The following CRACR2A variants were observed in gnomAD, a reference collection of about 807,000 sequenced individuals.
CRACR2A encodes calcium release activated channel regulator 2A.
Under a neutral mutation model 90.5 loss-of-function variants are expected in CRACR2A, and 79 were observed. The ratio of observed to expected loss-of-function variants is 0.87; its 90% confidence interval spans 0.73 to 1.05. The LOEUF (loss-of-function observed/expected upper bound fraction) is 1.05. Among genes scored for constraint, CRACR2A ranks in the 50% least tolerant of loss-of-function variants. The pLI, the probability that CRACR2A is intolerant of heterozygous loss-of-function variation, is 0.00. For synonymous variants in CRACR2A, 338 were observed against 356.7 expected (o/e 0.95, Z 0.59); for missense variants, 823 against 897.2 (o/e 0.92, Z 1.06).
At chr12:3,688,610 A>G (rs953142755) in intron 4 of CRACR2A, among the ~76,000 whole-genome samples, 1 of 152,148 alleles carries the variant, frequency 6.6e-6, no homozygotes, top group Non-Finnish European at 1.5e-5. Context: ...TATAGTTTGA[A>G]GTTGGGTAAT....
intron 10 of CRACR2A, among the ~76,000 whole-genome samples, chr12:3,649,198 T>A (rs2137430682): frequency 6.6e-6 from 1 of 152,004 alleles, no homozygotes; most frequent in East Asian, 1.9e-4. Context: ...ACCTGCACGT[T>A]GTGCACATGT....
intron 13 of CRACR2A, 68 bp downstream of exon 13, chr12:3,641,664 A>C: frequency 4.6e-5 from 62 of 1,341,670 alleles, no homozygotes; most frequent in Non-Finnish European, 6.0e-5. Context: ...GGCACTGAGT[A>C]TGGGCCCAGA....
chr12:3,631,331 C>A (rs138600188), intron 15 of CRACR2A, among the ~76,000 whole-genome samples: 3 of 152,108 alleles, frequency 2.0e-5, no homozygotes, highest in African/African-American at 7.2e-5. Context: ...GGCCACAAGT[C>A]GAAAATGTAA....
intron 1 of CRACR2A, among the ~76,000 whole-genome samples, chr12:3,738,928 C>T (rs1946485524): frequency 6.6e-6 from 1 of 152,022 alleles, no homozygotes; most frequent in African/African-American, 2.4e-5. Context: ...AGACAGAAGG[C>T]AGTGGTAAAA....
At chr12:3,630,746 C>T (rs554692548) in intron 15 of CRACR2A, among the ~76,000 whole-genome samples, 1 of 152,362 alleles carries the variant, frequency 6.6e-6, no homozygotes, top group Admixed American at 6.5e-5. Flanking sequence ...CCAGGATGCC[C>T]GCAGGGCTCA....
At chr12:3,721,906 G>A (rs1318880693) in intron 2 of CRACR2A, among the ~76,000 whole-genome samples, 1 of 152,184 alleles carries the variant, frequency 6.6e-6, no homozygotes. Context: ...AAAAATGTGA[G>A]TAGGGAACAG....
At chr12:3,628,420 G>T (rs898345412) in intron 15 of CRACR2A, among the ~76,000 whole-genome samples, 3 of 152,046 alleles carry the variant, frequency 2.0e-5, no homozygotes, top group Non-Finnish European at 4.4e-5. Flanking sequence ...GAACAGAAGG[G>T]GTAAGAGAAA....
intron 7 of CRACR2A, among the ~76,000 whole-genome samples, chr12:3,672,538 T>G (rs1208185618): frequency 6.6e-6 from 1 of 152,212 alleles, no homozygotes; most frequent in African/African-American, 2.4e-5. Context: ...CCCAGCCCTG[T>G]GTTGTAGCCT....
intron 6 of CRACR2A, among the ~76,000 whole-genome samples, 185 bp from the exon 7 acceptor site, chr12:3,673,777 G>A (rs765410345): frequency 7.9e-5 from 12 of 152,158 alleles, no homozygotes; most frequent in Non-Finnish European, 1.2e-4. Context: ...AGCTCATTTC[G>A]TCCTCACAAT....
chr12:3,704,362 C>T (rs973139328), intron 3 of CRACR2A, among the ~76,000 whole-genome samples: 6 of 152,028 alleles, frequency 3.9e-5, no homozygotes, highest in Admixed American at 6.6e-5. Context: ...AAAGAAGTGA[C>T]AGTAGGCAGG....
chr12:3,638,049 C>T lies in CRACR2A; in HGVS notation c.1602+75G>A, dbSNP rs1054176132. 54 of 1,416,256 alleles carry T rather than the reference C, an allele frequency of 3.8e-5. No homozygotes were observed. In the East Asian group the frequency reaches 5.0e-4, roughly 13 times the overall value. 87.7% of individuals were successfully genotyped at this position (1,416,256 alleles called of 1,614,324 possible). ...CATCTGACCTCCTGAGCTGCCTCTC[C>T]GGGCGCTTGGCCTCAAATGCAAGAG... On this transcript the variant is annotated intron_variant, in intron 14 of 19. Coordinates refer to ENST00000440314, the MANE Select transcript of CRACR2A (RefSeq NM_001144958.2).
At chr12:3,752,810 A>T (rs1334034734) in intron 1 of CRACR2A, among the ~76,000 whole-genome samples, 1 of 152,036 alleles carries the variant, frequency 6.6e-6, no homozygotes. Context: ...ACCGAGTGAC[A>T]GGGAGGGGAG....
chr12:3,657,705 C>T (rs927877716), intron 8 of CRACR2A, among the ~76,000 whole-genome samples: 1 of 152,208 alleles, frequency 6.6e-6, no homozygotes, highest in Non-Finnish European at 1.5e-5. Context: ...CCTCCTTCAG[C>T]TTGGCTGCTG....
intron 8 of CRACR2A, among the ~76,000 whole-genome samples, chr12:3,656,787 T>C (rs534847618): frequency 2.9e-4 from 44 of 152,200 alleles, no homozygotes; most frequent in African/African-American, 1.0e-3. Context: ...TGGGGGTGAC[T>C]GGGGGAGGCA....
chr12:3,723,928 T>C (rs1946222229), intron 2 of CRACR2A, among the ~76,000 whole-genome samples: 1 of 152,172 alleles, frequency 6.6e-6, no homozygotes, highest in African/African-American at 2.4e-5. Context: ...AGATGTTTAT[T>C]TCCAGAAAAT....
At chr12:3,645,699 G>A (rs1944672140) in intron 11 of CRACR2A, among the ~76,000 whole-genome samples, 1 of 152,182 alleles carries the variant, frequency 6.6e-6, no homozygotes, top group African/African-American at 2.4e-5. Context: ...GAACAGCACG[G>A]GGAAAAGGCC....
intron 1 of CRACR2A, among the ~76,000 whole-genome samples, chr12:3,743,178 A>T (rs1487729671): frequency 1.3e-5 from 2 of 152,240 alleles, no homozygotes; most frequent in African/African-American, 4.8e-5. Flanking sequence ...TTTTAAAAAT[A>T]CGTTTAGTTT....
chr12:3,728,875 T>C (rs1346654029), intron 2 of CRACR2A: 2 of 152,228 alleles, frequency 1.3e-5, no homozygotes, highest in Admixed American at 1.3e-4. Context: ...CCTTAGCTCA[T>C]AGCCACCACT....
At position 3,643,865 on chromosome 12, in the gene CRACR2A, ATATAT is replaced by A. The variant is rs1300812887; in HGVS notation, c.1164+725_1164+729del. ...AATATATATTATATATTTATATTATATATATTATATATATTTATATTAATATATAA... is the reference window on the plus strand; with the variant it reads ...AATATATATTATATATTTATATTATATATATATATTTATATTAATATATAA... On this transcript the variant is annotated intron_variant, in intron 12 of 19. Coordinates refer to ENST00000440314, the MANE Select transcript of CRACR2A (RefSeq NM_001144958.2). Among the ~76,000 whole-genome samples the A allele has an allele frequency of 2.6e-3, 143 of 55,300 alleles. 2 individuals are homozygous for A. Among genetic ancestry groups the A allele is most frequent in the African/African-American group, 6.6e-3 (98 of 14,944 alleles). 36.3% of individuals were successfully genotyped at this position (55,300 alleles called of 152,430 possible).
Sources: gnomAD v4.1 joint callset for allele counts (sites outside exome capture counted in the v4.1 genomes callset) on GRCh38, gnomAD v4.1.1 for gene constraint, MANE v1.5 for transcripts, NCBI Gene and HGNC (gene_info 2026-07-23, HGNC 2026-07-21) for gene names.